CRY1: variants seen among roughly 807,000 people sequenced by gnomAD.
The protein encoded by CRY1 is cryptochrome-1.
Under a neutral mutation model 76.0 loss-of-function variants are expected in CRY1, and 45 were observed. That is an observed-to-expected ratio of 0.59 (90% confidence interval 0.47 to 0.76). CRY1 has a LOEUF of 0.76. Ranked by LOEUF, CRY1 falls within the 30% of genes least tolerant of loss-of-function variation. CRY1 has a pLI of 0.00. For missense variants in CRY1, 587 were observed against 716.4 expected, an observed-to-expected ratio of 0.82 and a Z score of 2.06; for synonymous variants, 248 against 244.0, an observed-to-expected ratio of 1.02 and a Z score of -0.15.
chr12:107,026,193 A>ATATATATATATATTACATATATATAT (rs1555199050), intron 1 of CRY1, among the ~76,000 whole-genome samples: 1 of 141,450 alleles, frequency 7.1e-6, no homozygotes, highest in African/African-American at 2.7e-5. Context: ...TATATAAAAT[A>ATATATATATATATTACATATATATAT]AAACCTCCTC....
Position 106,999,708 on chromosome 12 carries a change from A to G in CRY1, c.980T>C (p.Leu327Ser). ...QIPWDKNPEA[L>S]AKWAEGRTGF... ...TGTCCGGCCTTCCGCCCATTTGGCT[A>G]AAGCCTCAGGATTTTTATCCCAAGG... Residue 327 changes from leucine (L) to serine (S), a missense_variant, in exon 7 of 13, where the codon TTA becomes TCA. By Grantham distance (145) the Leu-to-Ser change is moderately radical (BLOSUM62 -2). Transcript: ENST00000008527. The G allele has an allele frequency of 6.2e-7, 1 of 1,614,232 alleles. No individual in the cohort carries two copies. Among genetic ancestry groups the G allele is most frequent in the Non-Finnish European group, 8.5e-7 (1 of 1,180,030 alleles).
intron 3 of CRY1, 23 bp from the exon 4 acceptor site, chr12:107,001,971 G>T: frequency 1.3e-6 from 2 of 1,543,942 alleles, no homozygotes; most frequent in Non-Finnish European, 1.7e-6. Context: ...TTAGTAAAAT[G>T]TAGTTAGTAT....
intron 5 of CRY1, 61 bp from the exon 6 acceptor site, chr12:107,000,143 C>T: frequency 1.3e-6 from 2 of 1,486,264 alleles, no homozygotes; most frequent in African/African-American, 1.4e-5. Context: ...AAAGAACACT[C>T]AGAATGGAGA....
chr12:107,049,655 G>C (rs1952894504), intron 1 of CRY1: 1 of 152,198 alleles, frequency 6.6e-6, no homozygotes, highest in Non-Finnish European at 1.5e-5. Context: ...TGGAATTACA[G>C]GTGTGAGCCA....
chr12:107,072,733 A>G (rs983284342), intron 1 of CRY1, among the ~76,000 whole-genome samples: 2 of 152,156 alleles, frequency 1.3e-5, no homozygotes, highest in Non-Finnish European at 2.9e-5. Flanking sequence ...GCACATTTAT[A>G]TTTTCATATT....
At chr12:107,074,933 T>A (rs927367069) in intron 1 of CRY1, among the ~76,000 whole-genome samples, 2 of 152,124 alleles carry the variant, frequency 1.3e-5, no homozygotes, top group African/African-American at 4.8e-5. Flanking sequence ...GAGAATCGCT[T>A]GAACCGAGGA....
intron 7 of CRY1, among the ~76,000 whole-genome samples, chr12:106,999,203 T>A (rs535434164): frequency 5.3e-5 from 8 of 152,284 alleles, no homozygotes; most frequent in African/African-American, 1.9e-4. Context: ...TAATATGAAT[T>A]CACTATCTCT....
chr12:107,061,176 T>C (rs1250068134), intron 1 of CRY1, among the ~76,000 whole-genome samples: 1 of 152,116 alleles, frequency 6.6e-6, no homozygotes, highest in African/African-American at 2.4e-5. Context: ...TATATTAAAA[T>C]GTTTAATAAA....
intron 1 of CRY1, among the ~76,000 whole-genome samples, chr12:107,050,522 CTT>C (rs879666892): frequency 3.9e-5 from 6 of 152,168 alleles, no homozygotes; most frequent in African/African-American, 9.7e-5. Flanking sequence ...TGCTCCCTCT[CTT>C]GTCATGTGAT....
intron 2 of CRY1, among the ~76,000 whole-genome samples, chr12:107,018,546 T>A (rs1238881362): frequency 6.6e-6 from 1 of 151,708 alleles, no homozygotes; most frequent in Non-Finnish European, 1.5e-5. Flanking sequence ...AAGACAGCAC[T>A]ACTGCACTCC....
intron 2 of CRY1, among the ~76,000 whole-genome samples, chr12:107,009,180 AT>A (rs922945076): frequency 8.9e-4 from 135 of 152,126 alleles, no homozygotes; most frequent in Middle Eastern, 3.4e-3. Flanking sequence ...ATATTAATTG[AT>A]TTTTTTAATG....
intron 10 of CRY1, 42 bp downstream of exon 10, chr12:106,997,252 C>T (rs767130736): frequency 1.8e-5 from 27 of 1,476,078 alleles, no homozygotes; most frequent in Non-Finnish European, 2.5e-5. Flanking sequence ...TGTTTAATAA[C>T]CTCTTCATGT....
intron 7 of CRY1, 149 bp from the exon 8 acceptor site, chr12:106,998,215 C>G: frequency 1.2e-6 from 1 of 831,490 alleles, no homozygotes; most frequent in Non-Finnish European, 1.9e-6. Flanking sequence ...TCCCTATGTT[C>G]TGTTCTATAA....
At chr12:107,043,028 C>T (rs2078074) in intron 1 of CRY1, 105,560 of 152,022 alleles carry the variant, frequency 0.69, 37,472 homozygotes, top group East Asian at 0.97. Flanking sequence ...AGGGCTACTA[C>T]GCTATGCCAT....
chr12:107,019,801 G>T (rs747037484), intron 2 of CRY1, among the ~76,000 whole-genome samples: 46 of 151,930 alleles, frequency 3.0e-4, no homozygotes, highest in Non-Finnish European at 4.7e-4. Flanking sequence ...TACAGCTGCA[G>T]TCTTAGCTAC....
At chr12:107,018,042 C>T (rs1284047880) in intron 2 of CRY1, among the ~76,000 whole-genome samples, 2 of 152,190 alleles carry the variant, frequency 1.3e-5, no homozygotes, top group East Asian at 3.8e-4. Flanking sequence ...TACTGTATCT[C>T]CAGTACCTCA....
chr12:107,079,288 G>A (rs1388617998), intron 1 of CRY1, among the ~76,000 whole-genome samples: 1 of 152,086 alleles, frequency 6.6e-6, no homozygotes, highest in Non-Finnish European at 1.5e-5. Flanking sequence ...TGAGACTTCT[G>A]GGCCAAAGGT....
At chr12:107,090,150 C>T (rs2136905236) in intron 1 of CRY1, among the ~76,000 whole-genome samples, 1 of 151,686 alleles carries the variant, frequency 6.6e-6, no homozygotes, top group East Asian at 1.9e-4. Context: ...AGTGCAGTGG[C>T]ACGATCTCGC....
intron 1 of CRY1, among the ~76,000 whole-genome samples, chr12:107,039,244 G>A (rs1413658958): frequency 6.6e-6 from 1 of 152,138 alleles, no homozygotes; most frequent in African/African-American, 2.4e-5. Context: ...CAAGAAAACA[G>A]AGGAAAAAGC....
Sources: gnomAD v4.1 joint callset for allele counts (sites outside exome capture counted in the v4.1 genomes callset) on GRCh38, gnomAD v4.1.1 for gene constraint, MANE v1.5 for transcripts, NCBI Gene and HGNC (gene_info 2026-07-23, HGNC 2026-07-21) for gene names.